The following PATJ variants were observed in gnomAD, a reference collection of about 807,000 sequenced individuals.
PATJ encodes PATJ crumbs cell polarity complex component.
In PATJ, 190 loss-of-function variants were observed where a neutral mutation model predicts 224.9. That is an observed-to-expected ratio of 0.84 (90% CI 0.75 to 0.95). The LOEUF is 0.95. Ranked by LOEUF, PATJ falls within the 40% of genes least tolerant of loss-of-function variation. PATJ has a pLI of 0.00. For missense variants in PATJ, 2,121 were observed against 2,270.3 expected, an observed-to-expected ratio of 0.93 and a Z score of 1.34; for synonymous variants, 769 against 820.3, an observed-to-expected ratio of 0.94 and a Z score of 1.07.
At chr1:61,798,530 CAT>C (rs1486341746) in intron 11 of PATJ, among the ~76,000 whole-genome samples, 1 of 152,082 alleles carries the variant, frequency 6.6e-6, no homozygotes, top group Non-Finnish European at 1.5e-5. Flanking sequence ...AACTTAGAAA[CAT>C]ATAGATGAAC....
At chr1:62,088,664 A>C (rs918819598) in intron 33 of PATJ, among the ~76,000 whole-genome samples, 1 of 152,088 alleles carries the variant, frequency 6.6e-6, no homozygotes, top group East Asian at 1.9e-4. Context: ...CCTTCATAGG[A>C]TGTTTAGCAC....
In PATJ at chr1:61,767,922, C is replaced by T. The variant is rs543004521; in HGVS notation, c.385-1361C>T. 1.8e-3 allele frequency among the ~76,000 whole-genome samples: 280 copies of T among 151,960 alleles called. 2 individuals carry two copies. The highest frequency in any genetic ancestry group is 6.4e-3 in the African/African-American group (266 of 41,524). On this transcript the variant is annotated intron_variant, in intron 4 of 43. Transcript: ENST00000642238. ...TCCTGACCTCGTGATCCTCCCGCCT[C>T]GGCCTCTCAAAGTGCTGGGATTACA...
chr1:61,796,810 C>CTCCT (rs755500020), intron 10 of PATJ, among the ~76,000 whole-genome samples: 12 of 140,630 alleles, frequency 8.5e-5, no homozygotes, highest in Non-Finnish European at 7.6e-5. Context: ...TTCCTTCCTT[C>CTCCT]TCCTTCCTTC....
intron 24 of PATJ, 60 bp downstream of exon 24, chr1:61,901,519 AT>A: frequency 8.0e-7 from 1 of 1,250,288 alleles, no homozygotes; most frequent in Non-Finnish European, 1.1e-6. Context: ...TGAAATAATC[AT>A]TTAGCTAGAA....
chr1:61,991,380 T>G (rs1463908719), intron 28 of PATJ: 5 of 457,216 alleles, frequency 1.1e-5, no homozygotes, highest in African/African-American at 2.1e-5. Context: ...ATGTTCCAAC[T>G]TTAGGACATT....
chr1:62,084,442 C>T, intron 32 of PATJ, 73 bp from the exon 33 acceptor site: 1 of 1,503,524 alleles, frequency 6.7e-7, no homozygotes, highest in Non-Finnish European at 9.0e-7. Context: ...CCCCACACTC[C>T]CCACGTGATG....
Position 61,990,408 on chromosome 1 carries a change from G to A in PATJ, c.3867+44G>A, listed in dbSNP as rs771403711. On this transcript the variant is annotated intron_variant, in intron 28 of 43. Coordinates refer to ENST00000642238, the MANE Select transcript of PATJ (RefSeq NM_001350145.3). ...TAACTTATCTTTTGGTGAAGTGGATGGGTGCAGTGGATGTTGTATAGGAAA... is the reference window on the plus strand; with the variant it reads ...TAACTTATCTTTTGGTGAAGTGGATAGGTGCAGTGGATGTTGTATAGGAAA... The A allele has an allele frequency of 2.9e-6, 4 of 1,394,894 alleles. No individual in the cohort carries two copies. The South Asian group carries it at 4.1e-5, about 14-fold the overall frequency. 86.4% of individuals were successfully genotyped at this position (1,394,894 alleles called of 1,614,324 possible).
intron 31 of PATJ, among the ~76,000 whole-genome samples, chr1:62,062,984 T>C (rs1655816846): frequency 6.6e-6 from 1 of 152,206 alleles, no homozygotes; most frequent in African/African-American, 2.4e-5. Flanking sequence ...TAATAGTTTC[T>C]TTTGCTATGC....
At chr1:62,056,262 A>G (rs1474348047) in intron 31 of PATJ, among the ~76,000 whole-genome samples, 1 of 152,188 alleles carries the variant, frequency 6.6e-6, no homozygotes, top group Admixed American at 6.5e-5. Context: ...ATCATAGTTA[A>G]TATATTATTC....
chr1:62,089,909 T>C (rs1316038247), intron 33 of PATJ, among the ~76,000 whole-genome samples: 4 of 152,206 alleles, frequency 2.6e-5, no homozygotes, highest in Non-Finnish European at 2.9e-5. Flanking sequence ...AAAGAGTATG[T>C]CCTGACTTCT....
At chr1:61,799,168 TA>T (rs892605185) in intron 11 of PATJ, among the ~76,000 whole-genome samples, 9 of 152,246 alleles carry the variant, frequency 5.9e-5, no homozygotes, top group Middle Eastern at 3.4e-3. Context: ...CAAATGCCAT[TA>T]AAAAAATTTT....
intron 1 of PATJ, among the ~76,000 whole-genome samples, chr1:61,760,822 A>G (rs1439376203): frequency 6.6e-6 from 1 of 152,016 alleles, no homozygotes; most frequent in Non-Finnish European, 1.5e-5. Context: ...TGTGTTGGCC[A>G]GGCTGGTCTC....
chr1:61,771,328 T>G (rs1406037215), intron 5 of PATJ, 103 bp from the exon 6 acceptor site: 3 of 566,830 alleles, frequency 5.3e-6, no homozygotes, highest in Non-Finnish European at 9.1e-6. Flanking sequence ...ATAAATGTAC[T>G]AAGTAAAGTA....
rs370279498 is a variant in PATJ at position 61,775,188 on chromosome 1, T to A, written c.721-18T>A. 3.7e-6 allele frequency: 6 copies of A among 1,603,056 alleles called. No individual in the cohort carries two copies. The East Asian group carries it at 1.3e-4, about 36-fold the overall frequency. On this transcript the variant is annotated intron_variant, in intron 6 of 43. Coordinates refer to ENST00000642238, the MANE Select transcript of PATJ (RefSeq NM_001350145.3). ...TGTATTACTGATACTGCGACTCTTA[T>A]TTGCCATTAATTTGTAGGTTTGTTG...
intron 26 of PATJ, among the ~76,000 whole-genome samples, chr1:61,926,234 G>T (rs1038972324): frequency 6.6e-6 from 1 of 152,114 alleles, no homozygotes; most frequent in Non-Finnish European, 1.5e-5. Context: ...TGCCACATCT[G>T]GGGAGAGCCT....
intron 27 of PATJ, among the ~76,000 whole-genome samples, chr1:61,947,644 G>T (rs1678953707): frequency 6.6e-6 from 1 of 152,118 alleles, no homozygotes; most frequent in Non-Finnish European, 1.5e-5. Context: ...ACTACCCAAG[G>T]TAATTTATAG....
At chr1:62,042,012 T>TA (rs1651585747) in intron 30 of PATJ, among the ~76,000 whole-genome samples, 1 of 151,310 alleles carries the variant, frequency 6.6e-6, no homozygotes. Context: ...AATAAATAAA[T>TA]AATAATAATA....
chr1:61,774,387 C>T (rs1363853662), intron 6 of PATJ, among the ~76,000 whole-genome samples: 2 of 152,164 alleles, frequency 1.3e-5, no homozygotes, highest in Non-Finnish European at 2.9e-5. Context: ...AAGTAATGCA[C>T]ATTTCTTATA....
At chr1:61,889,808 T>G (rs1669340333) in intron 22 of PATJ, among the ~76,000 whole-genome samples, 1 of 152,216 alleles carries the variant, frequency 6.6e-6, no homozygotes. Flanking sequence ...CATTTAAGAT[T>G]TTTGCCATTA....
Sources: allele counts gnomAD v4.1 joint callset (sites outside exome capture counted in the v4.1 genomes callset), GRCh38; gene constraint gnomAD v4.1.1; transcripts MANE v1.5; gene names NCBI Gene and HGNC (gene_info 2026-07-23, HGNC 2026-07-21).